MTDH: variants seen among roughly 807,000 people sequenced by gnomAD.
MTDH encodes protein LYRIC.
In MTDH, 34 loss-of-function variants were observed where a neutral mutation model predicts 72.7. The observed-to-expected ratio is 0.47, with a 90% CI of 0.36 to 0.62. The LOEUF (loss-of-function observed/expected upper bound fraction) is 0.62. Among genes scored for constraint, MTDH ranks in the 20% least tolerant of loss-of-function variants. The pLI, the probability that MTDH is intolerant of heterozygous loss-of-function variation, is 0.00. For missense variants in MTDH, 677 were observed against 699.4 expected (o/e 0.97, Z 0.36); for synonymous variants, 266 against 268.9 (o/e 0.99, Z 0.10).
intron 11 of MTDH, among the ~76,000 whole-genome samples, chr8:97,723,696 TCA>T: frequency 6.6e-6 from 1 of 150,778 alleles, no homozygotes; most frequent in Non-Finnish European, 1.5e-5. Flanking sequence ...TGAGCCGAGA[TCA>T]TGCCACTGCA....
At chr8:97,668,713 C>T (rs983472421) in intron 2 of MTDH, among the ~76,000 whole-genome samples, 2 of 152,032 alleles carry the variant, frequency 1.3e-5, no homozygotes, top group Non-Finnish European at 1.5e-5. Context: ...CACCATGACG[C>T]CTGGCTAATT....
chr8:97,646,044 A>G lies in MTDH; in HGVS notation c.381+1157A>G, dbSNP rs569096663. ...GATTCATAAATAATTAGAATTTTGC[A>G]TAGACTGATAGGTGTTAAAGAGGTT... is the stretch of plus-strand genomic sequence containing the variant. On this transcript the variant is annotated intron_variant, in intron 1 of 11. Transcript: ENST00000336273. 7.2e-5 allele frequency among the ~76,000 whole-genome samples: 11 copies of G among 152,302 alleles called. 1 individual carries two copies. In the South Asian group the frequency reaches 2.1e-3, roughly 29 times the overall value.
At chr8:97,706,372 G>A (rs1193600243) in intron 7 of MTDH, 3 of 226,522 alleles carry the variant, frequency 1.3e-5, no homozygotes, top group African/African-American at 4.6e-5. Flanking sequence ...AGGAAGCACA[G>A]AGAGTGGAAT....
At chr8:97,673,903 A>G (rs564427045) in intron 2 of MTDH, among the ~76,000 whole-genome samples, 218 of 152,226 alleles carry the variant, frequency 1.4e-3, no homozygotes, top group Non-Finnish European at 2.6e-3. Flanking sequence ...TGAGCCCAAG[A>G]GGCGGAGGTT....
intron 1 of MTDH, among the ~76,000 whole-genome samples, chr8:97,656,406 G>A (rs1309682291): frequency 6.7e-6 from 1 of 149,038 alleles, no homozygotes; most frequent in Non-Finnish European, 1.5e-5. Context: ...CCAGGTTCAA[G>A]TGCTTCTCCT....
chr8:97,665,715 T>TAA (rs1812354750), intron 2 of MTDH, among the ~76,000 whole-genome samples: 1 of 152,172 alleles, frequency 6.6e-6, no homozygotes. Flanking sequence ...TATTCAGACA[T>TAA]AAGGGGAAGC....
At chr8:97,646,057 T>A (rs531510810) in intron 1 of MTDH, among the ~76,000 whole-genome samples, 6 of 152,308 alleles carry the variant, frequency 3.9e-5, no homozygotes, top group Admixed American at 3.9e-4. Flanking sequence ...GACTGATAGG[T>A]GTTAAAGAGG....
intron 2 of MTDH, among the ~76,000 whole-genome samples, chr8:97,673,514 G>A (rs1294010345): frequency 1.3e-5 from 2 of 152,116 alleles, no homozygotes; most frequent in Non-Finnish European, 2.9e-5. Context: ...CAAAAAATCA[G>A]CAGGGCATGG....
intron 2 of MTDH, among the ~76,000 whole-genome samples, chr8:97,669,348 A>G (rs77111142): frequency 6.6e-6 from 1 of 151,820 alleles, no homozygotes; most frequent in Admixed American, 6.6e-5. Context: ...GGGTTTCACC[A>G]TGTTAGCCAG....
At chr8:97,678,820 A>G (rs1279762850) in intron 2 of MTDH, among the ~76,000 whole-genome samples, 1 of 152,008 alleles carries the variant, frequency 6.6e-6, no homozygotes, top group Non-Finnish European at 1.5e-5. Context: ...CTTACCAGAT[A>G]CTTTTACAAA....
chr8:97,668,560 CT>C (rs559554186), intron 2 of MTDH, among the ~76,000 whole-genome samples: 31 of 147,652 alleles, frequency 2.1e-4, no homozygotes, highest in Admixed American at 2.7e-4. Context: ...ACTGTAACAA[CT>C]TTTTTTTTTT....
chr8:97,663,680 T>G, intron 2 of MTDH, among the ~76,000 whole-genome samples: 1 of 147,690 alleles, frequency 6.8e-6, no homozygotes, highest in South Asian at 2.1e-4. Context: ...ATCCAGGAAG[T>G]GCAGCTTGCA....
chr8:97,646,762 C>T (rs1227063938), intron 1 of MTDH, among the ~76,000 whole-genome samples: 1 of 152,152 alleles, frequency 6.6e-6, no homozygotes, highest in African/African-American at 2.4e-5. Context: ...AATAAGTAAA[C>T]CTAGCGTTAG....
In MTDH at chr8:97,646,346, G is replaced by A. The variant is rs1263196094; in HGVS notation, c.381+1459G>A. Among the ~76,000 whole-genome samples, 5 of 152,322 alleles carry A rather than the reference G, an allele frequency of 3.3e-5. No homozygotes were observed. In the East Asian group the frequency reaches 9.6e-4, roughly 29 times the overall value. ...ATGTGAATACTACCATAAGTTAGGA[G>A]AGGAGAAAATAGAACTGATTTGGAA... is the stretch of plus-strand genomic sequence containing the variant. On this transcript the variant is annotated intron_variant, in intron 1 of 11. Transcript: ENST00000336273.
rs1436180676 is a variant in MTDH at position 97,644,276 on chromosome 8, G to T, written c.-231G>T. 7.3e-6 allele frequency: 4 copies of T among 549,814 alleles called. No individual in the cohort carries two copies. The highest frequency in any genetic ancestry group is 1.2e-5 in the Non-Finnish European group (4 of 324,928). The allele number at this position is 549,814 out of a possible 1,614,324, so 34.1% of individuals were successfully genotyped here. A position where few individuals can be genotyped will look rare whatever the true frequency, so the allele number is the denominator to read the frequency against. On this transcript the variant is annotated 5_prime_UTR_variant, in exon 1 of 12. Coordinates refer to ENST00000336273, the MANE Select transcript of MTDH (RefSeq NM_178812.4). ...GCCGCCACTGGAGACACTCCCTCCC[G>T]CCTCCCGGGTCTCCTGGCGGCGGCG...
At chr8:97,658,918 C>T (rs1468719799) in intron 1 of MTDH, among the ~76,000 whole-genome samples, 5 of 151,838 alleles carry the variant, frequency 3.3e-5, no homozygotes, top group South Asian at 2.1e-4. Flanking sequence ...CTGAGGCGGG[C>T]GGATCACGAG....
chr8:97,645,671 T>TACTGGGCC (rs1422790057), intron 1 of MTDH, among the ~76,000 whole-genome samples: 1 of 152,224 alleles, frequency 6.6e-6, no homozygotes, highest in Non-Finnish European at 1.5e-5. Flanking sequence ...GGCACCGATT[T>TACTGGGCC]ACTGGGCCAC....
At position 97,686,757 on chromosome 8, in the gene MTDH, T is replaced by C; in HGVS notation, c.568+5T>C. On this transcript the variant is annotated splice_donor_5th_base_variant and intron_variant, in intron 3 of 11. Transcript: ENST00000336273. ...ATGGAAAGGAAGTTGATGAAGGTAC[T>C]TGAGCAAGGGAAAGGACTGTAGAAA... The C allele has an allele frequency of 6.3e-7, 1 of 1,589,952 alleles. No individual in the cohort carries two copies.
chr8:97,699,771 G>C lies in MTDH; in HGVS notation c.1066G>C (p.Val356Leu). ...FSGIGSTAEP[V>L]SQSTTSDYQW... is the part of the protein sequence containing the mutation. ...CATTTAAGGGTCTACTGCTGAGCCA[G>C]TTTCTCAGTCTACCACTTCTGATTA... Residue 356 changes from valine (V) to leucine (L), a missense_variant, in exon 7 of 12, where the codon GTT becomes CTT. This residue lies in a region of MTDH where 467 missense variants were observed against 469.1 expected (regional missense o/e 1.00). Coordinates refer to ENST00000336273, the MANE Select transcript of MTDH (RefSeq NM_178812.4). 6.2e-7 allele frequency: 1 copy of C among 1,612,008 alleles called. No homozygotes were observed. Among genetic ancestry groups the C allele is most frequent in the South Asian group, 1.1e-5 (1 of 90,988 alleles).
Sources: gnomAD v4.1 joint callset for allele counts (sites outside exome capture counted in the v4.1 genomes callset) on GRCh38, gnomAD v4.1.1 for gene constraint, gnomAD v4.1.1 regional missense constraint, MANE v1.5 for transcripts, NCBI Gene and HGNC (gene_info 2026-07-23, HGNC 2026-07-21) for gene names.